Variants in ANKS1B observed in about 807,000 individuals in gnomAD.
The protein encoded by ANKS1B is ankyrin repeat and sterile alpha motif domain-containing protein 1B.
Under a neutral mutation model 148.3 loss-of-function variants are expected in ANKS1B, and 36 were observed. The ratio of observed to expected loss-of-function variants is 0.24; its 90% CI spans 0.19 to 0.32. ANKS1B has a LOEUF of 0.32. Among genes scored for constraint, ANKS1B ranks in the 10% least tolerant of loss-of-function variants. The pLI, the probability that ANKS1B is intolerant of heterozygous loss-of-function variation, is 1.00. For missense variants in ANKS1B, 1,157 were observed against 1,542.6 expected (o/e 0.75, Z 4.19); for synonymous variants, 542 against 560.8 (o/e 0.97, Z 0.47).
chr12:99,098,766 CCCCA>C lies in ANKS1B; in HGVS notation c.2527-13747_2527-13744del, dbSNP rs201985172. 7.4e-3 allele frequency among the ~76,000 whole-genome samples: 1,110 copies of C among 149,822 alleles called. 14 individuals carry two copies. Among genetic ancestry groups the C allele is most frequent in the African/African-American group, 0.026 (1,050 of 40,416 alleles). ...TGGCAGAAAAATTCAGGGTTCCCCC[CCCCA>C]CCCCCAGCTCTGCCATTTACTTAGC... is the stretch of plus-strand genomic sequence containing the variant. On this transcript the variant is annotated intron_variant, in intron 15 of 26. Transcript: ENST00000683438.
intron 15 of ANKS1B, among the ~76,000 whole-genome samples, chr12:99,092,943 T>C (rs1358583809): frequency 1.3e-5 from 2 of 152,216 alleles, no homozygotes; most frequent in Non-Finnish European, 2.9e-5. Flanking sequence ...TGTGACACTA[T>C]GGAGTCAAGT....
At chr12:99,894,265 A>AG (rs1324611141) in intron 1 of ANKS1B, among the ~76,000 whole-genome samples, 3 of 121,914 alleles carry the variant, frequency 2.5e-5, no homozygotes, top group African/African-American at 9.3e-5. Flanking sequence ...AAAGAAAGAA[A>AG]GGAAAGAAAG....
chr12:99,774,558 G>A (rs905723968), intron 7 of ANKS1B, among the ~76,000 whole-genome samples: 2 of 152,000 alleles, frequency 1.3e-5, no homozygotes, highest in African/African-American at 4.8e-5. Context: ...AAGGCTCTAT[G>A]GAAAACAGTA....
At chr12:99,158,794 C>T (rs1056903037) in intron 14 of ANKS1B, among the ~76,000 whole-genome samples, 1 of 152,160 alleles carries the variant, frequency 6.6e-6, no homozygotes, top group African/African-American at 2.4e-5. Context: ...CATAGATGCT[C>T]CACTTTGGAT....
intron 17 of ANKS1B, among the ~76,000 whole-genome samples, chr12:98,840,527 C>G (rs2099400169): frequency 6.6e-6 from 1 of 152,168 alleles, no homozygotes; most frequent in African/African-American, 2.4e-5. Flanking sequence ...TGAATGTAGT[C>G]TGTCTCATTA....
intron 9 of ANKS1B, among the ~76,000 whole-genome samples, chr12:99,614,904 G>T: frequency 7.4e-6 from 1 of 134,888 alleles, no homozygotes; most frequent in Non-Finnish European, 1.6e-5. Flanking sequence ...AAAAAAAAAA[G>T]TTGCTTTAGT....
At chr12:99,542,022 GTCAC>G (rs1253521358) in intron 9 of ANKS1B, among the ~76,000 whole-genome samples, 12 of 152,264 alleles carry the variant, frequency 7.9e-5, no homozygotes, top group African/African-American at 2.9e-4. Context: ...AGAAATGGAT[GTCAC>G]TCACTATTTC....
At chr12:98,959,224 T>C (rs2099867293) in intron 17 of ANKS1B, among the ~76,000 whole-genome samples, 1 of 152,220 alleles carries the variant, frequency 6.6e-6, no homozygotes, top group African/African-American at 2.4e-5. Context: ...TATGGGCATA[T>C]CCAGCACCCC....
At chr12:99,473,972 T>A (rs955526) in intron 10 of ANKS1B, among the ~76,000 whole-genome samples, 38,620 of 151,978 alleles carry the variant, frequency 0.25, 5,437 homozygotes, top group African/African-American at 0.38. Context: ...AACTAAGATG[T>A]CCATGTGGAT....
At chr12:98,882,421 T>C (rs896252078) in intron 17 of ANKS1B, among the ~76,000 whole-genome samples, 1 of 152,218 alleles carries the variant, frequency 6.6e-6, no homozygotes, top group Non-Finnish European at 1.5e-5. Flanking sequence ...CAGAAAGGTA[T>C]CGCAATGCTT....
chr12:99,251,938 A>G (rs1566739496), intron 12 of ANKS1B, among the ~76,000 whole-genome samples: 1 of 152,226 alleles, frequency 6.6e-6, no homozygotes, highest in Admixed American at 6.5e-5. Context: ...GTCAAAGGCA[A>G]TGTCCTGCCT....
intron 17 of ANKS1B, among the ~76,000 whole-genome samples, chr12:99,039,198 T>C (rs891587558): frequency 6.6e-6 from 1 of 152,256 alleles, no homozygotes; most frequent in Non-Finnish European, 1.5e-5. Context: ...GAGTGTGGAC[T>C]ACCTTTCAAC....
At chr12:98,946,770 T>A (rs916426699) in intron 17 of ANKS1B, among the ~76,000 whole-genome samples, 2 of 151,186 alleles carry the variant, frequency 1.3e-5, no homozygotes, top group East Asian at 1.9e-4. Context: ...ACCTTATCTC[T>A]ACTGAAAAAA....
intron 9 of ANKS1B, among the ~76,000 whole-genome samples, chr12:99,553,485 T>G (rs1239841314): frequency 6.6e-6 from 1 of 152,174 alleles, no homozygotes; most frequent in Non-Finnish European, 1.5e-5. Context: ...CCAAGAATAT[T>G]AGATCAAGGG....
At chr12:98,922,063 A>C (rs952982923) in intron 17 of ANKS1B, among the ~76,000 whole-genome samples, 1 of 152,218 alleles carries the variant, frequency 6.6e-6, no homozygotes, top group Non-Finnish European at 1.5e-5. Context: ...TTCCTTTCAC[A>C]CATTCAGAGT....
chr12:99,109,731 T>C (rs2059920148), intron 15 of ANKS1B, among the ~76,000 whole-genome samples: 1 of 152,214 alleles, frequency 6.6e-6, no homozygotes, highest in Non-Finnish European at 1.5e-5. Flanking sequence ...AGAGCTGGCA[T>C]TTAAATCTAG....
chr12:99,358,884 A>C (rs1015706300), intron 12 of ANKS1B, among the ~76,000 whole-genome samples: 11 of 152,282 alleles, frequency 7.2e-5, no homozygotes, highest in Middle Eastern at 3.4e-3. Context: ...CAAGCAGGGA[A>C]TTCTACTACA....
chr12:98,773,127 G>T lies in ANKS1B; in HGVS notation c.3494C>A (p.Pro1165Gln). 1.2e-6 allele frequency: 2 copies of T among 1,613,832 alleles called. No homozygotes were observed. Among genetic ancestry groups the T allele is most frequent in the Non-Finnish European group, 8.5e-7 (1 of 1,179,836 alleles). ...ATAGGCAAATGTTGAGAGGTCTTCT[G>T]GGTCCTGGGCAGCACAGGAGATATT... ...IRNISCAAQD[P>Q]EDLSTFAYIT... The change falls in exon 25 of 27, where the codon CCA (proline) becomes CAA (glutamine). Residue 1165 changes from proline to glutamine, a missense_variant. Pro to Gln is a moderately conservative substitution (Grantham distance 76, BLOSUM62 -1). Around this residue, in one of 6 missense-constraint regions of ANKS1B, gnomAD observed 258 missense variants for 497.0 expected, o/e 0.52. Transcript: ENST00000683438.
chr12:99,023,768 CCT>C (rs1371787663), intron 17 of ANKS1B, among the ~76,000 whole-genome samples: 6 of 150,562 alleles, frequency 4.0e-5, no homozygotes, highest in African/African-American at 9.7e-5. Flanking sequence ...TATCTATATA[CCT>C]CTCTGTGAAT....
Sources: gnomAD v4.1 joint callset for allele counts (sites outside exome capture counted in the v4.1 genomes callset) on GRCh38, gnomAD v4.1.1 for gene constraint, gnomAD v4.1.1 regional missense constraint, MANE v1.5 for transcripts, NCBI Gene and HGNC (gene_info 2026-07-23, HGNC 2026-07-21) for gene names.